The following PRKG1 variants were observed in gnomAD, a reference collection of about 807,000 sequenced individuals.
PRKG1 encodes the protein cGMP-dependent protein kinase 1.
PRKG1 carries 35 observed loss-of-function variants against 88.1 expected under a neutral mutation model. That is an observed-to-expected ratio of 0.40 (90% CI 0.30 to 0.53). PRKG1 has a LOEUF of 0.53. Among genes scored for constraint, PRKG1 ranks in the 20% least tolerant of loss-of-function variants. The pLI is 0.59. For missense variants in PRKG1, 540 were observed against 839.8 expected, an observed-to-expected ratio of 0.64 and a Z score of 4.41; for synonymous variants, 303 against 292.5, an observed-to-expected ratio of 1.04 and a Z score of -0.37.
intron 9 of PRKG1, among the ~76,000 whole-genome samples, chr10:52,177,094 C>T (rs1233716781): frequency 2.0e-5 from 3 of 151,918 alleles, no homozygotes; most frequent in Non-Finnish European, 2.9e-5. Context: ...TGTCTTATTC[C>T]AGGTCTTAAA....
intron 3 of PRKG1, among the ~76,000 whole-genome samples, chr10:51,657,366 T>C (rs1324112076): frequency 3.3e-5 from 5 of 152,152 alleles, no homozygotes; most frequent in Non-Finnish European, 7.4e-5. Flanking sequence ...TGTTTTCAGA[T>C]GAAATATAGT....
At chr10:52,290,195 G>A in intron 16 of PRKG1, 29 bp from the exon 17 acceptor site, 4 of 1,599,864 alleles carry the variant, frequency 2.5e-6, no homozygotes, top group Non-Finnish European at 1.7e-6. Flanking sequence ...GACACAAAAT[G>A]TTTTTATCAA....
chr10:51,600,996 A>AG (rs61173312), intron 3 of PRKG1, among the ~76,000 whole-genome samples: 1 of 144,752 alleles, frequency 6.9e-6, no homozygotes, highest in South Asian at 2.5e-4. Context: ...GGAAGACAGC[A>AG]GGGGGAGGGG....
In PRKG1 at chr10:51,434,567, G is replaced by A. The variant is rs549168417; in HGVS notation, c.479-33156G>A. 2.6e-5 allele frequency among the ~76,000 whole-genome samples: 4 copies of A among 152,184 alleles called. No homozygotes were observed. In the South Asian group the frequency reaches 8.3e-4, roughly 32 times the overall value. On this transcript the variant is annotated intron_variant, in intron 2 of 17. Coordinates refer to ENST00000373980, the MANE Select transcript of PRKG1 (RefSeq NM_006258.4). Reference sequence around the variant, plus strand: ...TTAATCCTGTGGCTCTTCTTTATGAGACTGAAATTTAGCACTTAGGTGGAA... The same window carrying A: ...TTAATCCTGTGGCTCTTCTTTATGAAACTGAAATTTAGCACTTAGGTGGAA...
intron 2 of PRKG1, among the ~76,000 whole-genome samples, chr10:51,230,071 T>C (rs544613248): frequency 6.6e-6 from 1 of 152,250 alleles, no homozygotes; most frequent in South Asian, 2.1e-4. Flanking sequence ...GGATATTCTT[T>C]ACAGCATTAT....
At chr10:51,792,402 T>C (rs1239502319) in intron 3 of PRKG1, among the ~76,000 whole-genome samples, 1 of 152,144 alleles carries the variant, frequency 6.6e-6, no homozygotes, top group Admixed American at 6.5e-5. Context: ...ACGTAAGTTT[T>C]ATTTATTCTT....
chr10:51,943,993 CT>C (rs1554858467), intron 5 of PRKG1, among the ~76,000 whole-genome samples: 2 of 152,020 alleles, frequency 1.3e-5, no homozygotes, highest in Non-Finnish European at 2.9e-5. Context: ...AGGATTCCCT[CT>C]TTTTCTGTTG....
At chr10:51,138,672 TTTG>T (rs1845746402) in intron 1 of PRKG1, among the ~76,000 whole-genome samples, 1 of 139,380 alleles carries the variant, frequency 7.2e-6, no homozygotes, top group Non-Finnish European at 1.5e-5. Context: ...GACATTGAGT[TTTG>T]TTTTTTTTTT....
At chr10:52,008,474 C>T (rs1323025037) in intron 5 of PRKG1, among the ~76,000 whole-genome samples, 2 of 152,064 alleles carry the variant, frequency 1.3e-5, no homozygotes, top group African/African-American at 2.4e-5. Context: ...TACAGAAGAA[C>T]CATCAGAGAC....
intron 4 of PRKG1, among the ~76,000 whole-genome samples, chr10:51,845,581 A>C (rs1403226984): frequency 6.6e-6 from 1 of 152,298 alleles, no homozygotes; most frequent in Admixed American, 6.5e-5. Context: ...TAAACTTGGC[A>C]TACAAATAAG....
At chr10:52,218,628 A>G (rs912907634) in intron 9 of PRKG1, among the ~76,000 whole-genome samples, 3 of 152,190 alleles carry the variant, frequency 2.0e-5, no homozygotes, top group Non-Finnish European at 4.4e-5. Flanking sequence ...TTAGACTTTT[A>G]AAAATTATAT....
Position 51,390,777 on chromosome 10 carries a change from G to A in PRKG1, c.479-76946G>A, listed in dbSNP as rs192770199. 2.2e-4 allele frequency among the ~76,000 whole-genome samples: 34 copies of A among 152,172 alleles called. No homozygotes were observed. The East Asian group carries it at 5.2e-3, about 23-fold the overall frequency. The stretch of plus-strand genomic sequence containing the variant: ...GGCAGTAAGCATTGATTATTACCAC[G>A]TATAATTTTGCCTCGAGGGAACATT... On this transcript the variant is annotated intron_variant, in intron 2 of 17. Coordinates refer to ENST00000373980, the MANE Select transcript of PRKG1 (RefSeq NM_006258.4).
chr10:51,492,270 C>A (rs1033045699), intron 3 of PRKG1, among the ~76,000 whole-genome samples: 2 of 152,106 alleles, frequency 1.3e-5, no homozygotes, highest in Non-Finnish European at 2.9e-5. Flanking sequence ...GATGCTAACA[C>A]GTAGAATGTT....
chr10:51,684,105 AAAACAACAC>A (rs1340399188), intron 3 of PRKG1, among the ~76,000 whole-genome samples: 1 of 152,234 alleles, frequency 6.6e-6, no homozygotes, highest in African/African-American at 2.4e-5. Flanking sequence ...AGCCTGAATG[AAAACAACAC>A]AAATATCCAT....
At chr10:51,976,510 ATAC>A (rs3030009) in intron 5 of PRKG1, among the ~76,000 whole-genome samples, 48,046 of 151,802 alleles carry the variant, frequency 0.32, 8,109 homozygotes, top group Admixed American at 0.39. Flanking sequence ...CAAAGGCCAC[ATAC>A]TACATGATTC....
At chr10:52,105,882 T>G (rs1010789151) in intron 7 of PRKG1, among the ~76,000 whole-genome samples, 11 of 152,108 alleles carry the variant, frequency 7.2e-5, no homozygotes, top group Admixed American at 2.6e-4. Context: ...GGATACGTTC[T>G]TTAGTGGTGA....
intron 4 of PRKG1, among the ~76,000 whole-genome samples, chr10:51,805,444 T>C (rs1393771534): frequency 1.3e-5 from 2 of 152,036 alleles, no homozygotes; most frequent in African/African-American, 2.4e-5. Flanking sequence ...ACAATTCTCA[T>C]GACTTTTTAA....
intron 3 of PRKG1, among the ~76,000 whole-genome samples, chr10:51,699,924 T>A (rs559198600): frequency 4.1e-4 from 62 of 152,340 alleles, no homozygotes; most frequent in African/African-American, 1.4e-3. Flanking sequence ...TCCCTTGACG[T>A]CAAAGGCGGT....
At chr10:51,270,727 C>T (rs151001757) in intron 2 of PRKG1, among the ~76,000 whole-genome samples, 133 of 152,190 alleles carry the variant, frequency 8.7e-4, no homozygotes, top group African/African-American at 3.1e-3. Context: ...GCTTCCCATC[C>T]GATCTGCACC....
Sources: allele counts gnomAD v4.1 joint callset (sites outside exome capture counted in the v4.1 genomes callset), GRCh38; gene constraint gnomAD v4.1.1; transcripts MANE v1.5; gene names NCBI Gene and HGNC (gene_info 2026-07-23, HGNC 2026-07-21).